DCLK2: variants seen among roughly 807,000 people sequenced by gnomAD.
DCLK2 encodes the protein serine/threonine-protein kinase DCLK2.
Under a neutral mutation model 78.4 loss-of-function variants are expected in DCLK2, and 31 were observed. The ratio of observed to expected loss-of-function variants is 0.40; its 90% CI spans 0.30 to 0.53. The LOEUF is 0.53. Ranked by LOEUF, DCLK2 falls within the 20% of genes least tolerant of loss-of-function variation. The pLI, the probability that DCLK2 is intolerant of heterozygous loss-of-function variation, is 0.61. For missense variants in DCLK2, 872 were observed against 973.7 expected (o/e 0.90, Z 1.39); for synonymous variants, 407 against 374.9 (o/e 1.09, Z -0.99).
chr4:150,240,493 G>T lies in DCLK2; in HGVS notation c.1778+17G>T. 2.5e-6 allele frequency: 4 copies of T among 1,603,436 alleles called. No individual in the cohort carries two copies. Among genetic ancestry groups the T allele is most frequent in the Non-Finnish European group, 3.4e-6 (4 of 1,173,156 alleles). On this transcript the variant is annotated intron_variant, in intron 12 of 15. Coordinates refer to ENST00000296550, the MANE Select transcript of DCLK2 (RefSeq NM_001040260.4). ...ATTCCGAAGGTAGGCGGCCTTTTGGGCGACGTATTTGAATTGCAAATGTTC... is the reference window on the plus strand; with the variant it reads ...ATTCCGAAGGTAGGCGGCCTTTTGGTCGACGTATTTGAATTGCAAATGTTC...
chr4:150,079,396 C>G lies in DCLK2; in HGVS notation c.369C>G (p.Ile123Met), dbSNP rs1384719865. ...ACCTGCCCCAGGGTGTCCGCACTAT[C>G]TACACCATCGACGGCAGCCGGAAGG... ...NVNLPQGVRTIYTIDGSRKVT... is the reference protein window; with the variant it reads ...NVNLPQGVRTMYTIDGSRKVT... The change falls in exon 1 of 16, where the codon ATC (isoleucine) becomes ATG (methionine). Residue 123 changes from isoleucine (I) to methionine (M), a missense_variant. Ile to Met is a conservative substitution (Grantham distance 10, BLOSUM62 1). Transcript: ENST00000296550. 5.7e-6 allele frequency: 9 copies of G among 1,571,596 alleles called. No homozygotes were observed. The highest frequency in any genetic ancestry group is 1.7e-4 in the Middle Eastern group (1 of 5,980).
rs765245817 is a variant in DCLK2 at position 150,256,281 on chromosome 4, G to T, written c.*34G>T. On this transcript the variant is annotated 3_prime_UTR_variant, in exon 16 of 16. Transcript: ENST00000296550. ...CAGACGGGCGAAGCCGCCTGCTGCA[G>T]CCCAGGAAGCCAGCCCTCTGCTCGG... 6 of 1,462,238 alleles carry T rather than the reference G, an allele frequency of 4.1e-6. No homozygotes were observed. The highest frequency in any genetic ancestry group is 2.9e-5 in the African/African-American group (2 of 69,668). 90.6% of individuals were successfully genotyped at this position (1,462,238 alleles called of 1,614,324 possible).
intron 2 of DCLK2, among the ~76,000 whole-genome samples, chr4:150,174,532 G>C (rs1305622358): frequency 6.6e-6 from 1 of 152,110 alleles, no homozygotes; most frequent in African/African-American, 2.4e-5. Flanking sequence ...CGTTTAAGAA[G>C]GGGACCTGAG....
At chr4:150,183,723 C>T (rs1737698863) in intron 2 of DCLK2, among the ~76,000 whole-genome samples, 1 of 150,992 alleles carries the variant, frequency 6.6e-6, no homozygotes, top group Non-Finnish European at 1.5e-5. Context: ...CTTTTGATTT[C>T]TTTTTTTCTT....
At chr4:150,113,608 A>G (rs1731857610) in intron 2 of DCLK2, among the ~76,000 whole-genome samples, 1 of 149,752 alleles carries the variant, frequency 6.7e-6, no homozygotes, top group African/African-American at 2.5e-5. Flanking sequence ...TTCTATTTTC[A>G]TTTCAAATTG....
rs76119248 is a variant in DCLK2, at chr4:150,184,351, C to G, written c.757-8787C>G. ...CACTTAAAATAGTGTTTCTTTTACT[C>G]TCTCTCAGAAAAATGCATTTCAACT... On this transcript the variant is annotated intron_variant, in intron 2 of 15. Transcript: ENST00000296550. Among the ~76,000 whole-genome samples, 51 of 152,260 alleles carry G rather than the reference C, an allele frequency of 3.3e-4. No homozygotes were observed. The East Asian group carries it at 9.5e-3, about 28-fold the overall frequency.
chr4:150,101,512 A>T lies in DCLK2; in HGVS notation c.422-966A>T, dbSNP rs181382425. ...GTTAACGATGAGTGTTATACTGAATATGTGAAAAAATAATGGATTCTTTTT... is the reference window on the plus strand; with the variant it reads ...GTTAACGATGAGTGTTATACTGAATTTGTGAAAAAATAATGGATTCTTTTT... On this transcript the variant is annotated intron_variant, in intron 1 of 15. Coordinates refer to ENST00000296550, the MANE Select transcript of DCLK2 (RefSeq NM_001040260.4). Among the ~76,000 whole-genome samples the T allele has an allele frequency of 2.0e-5, 3 of 152,274 alleles. No homozygotes were observed. The East Asian group carries it at 5.8e-4, about 29-fold the overall frequency.
At chr4:150,156,990 G>A (rs1735329581) in intron 2 of DCLK2, among the ~76,000 whole-genome samples, 2 of 151,448 alleles carry the variant, frequency 1.3e-5, no homozygotes, top group African/African-American at 2.4e-5. Context: ...GGCAGATCTC[G>A]AACTCCTGGA....
At chr4:150,237,547 A>G (rs959564890) in intron 10 of DCLK2, among the ~76,000 whole-genome samples, 1 of 152,202 alleles carries the variant, frequency 6.6e-6, no homozygotes, top group Non-Finnish European at 1.5e-5. Flanking sequence ...TATTAAATGG[A>G]TAAGGACATC....
chr4:150,239,529 A>G (rs891724311), intron 10 of DCLK2, among the ~76,000 whole-genome samples: 2 of 152,062 alleles, frequency 1.3e-5, no homozygotes, highest in Non-Finnish European at 2.9e-5. Flanking sequence ...TTCAGCCCAG[A>G]GGTTGAGGCT....
chr4:150,168,248 C>T (rs1393065435), intron 2 of DCLK2, among the ~76,000 whole-genome samples: 3 of 151,416 alleles, frequency 2.0e-5, no homozygotes, highest in Non-Finnish European at 4.4e-5. Context: ...GAGACTGAGG[C>T]AGGAGAGTGG....
At chr4:150,162,022 A>C (rs757113337) in intron 2 of DCLK2, among the ~76,000 whole-genome samples, 146 of 151,940 alleles carry the variant, frequency 9.6e-4, no homozygotes, top group Middle Eastern at 3.4e-3. Flanking sequence ...CCGTCTGTTT[A>C]TTGGTTTTGA....
chr4:150,198,147 CA>C (rs1365768247), intron 4 of DCLK2, 44 bp downstream of exon 4: 1 of 1,509,868 alleles, frequency 6.6e-7, no homozygotes, highest in South Asian at 1.2e-5. Context: ...AGGAACAGAT[CA>C]TTTTCCTTCT....
At chr4:150,249,361 T>C (rs537797097) in intron 14 of DCLK2, among the ~76,000 whole-genome samples, 1 of 151,958 alleles carries the variant, frequency 6.6e-6, no homozygotes, top group South Asian at 2.1e-4. Context: ...GAGGGAATGG[T>C]GTGGGGTCTT....
intron 2 of DCLK2, among the ~76,000 whole-genome samples, chr4:150,145,172 TA>T (rs1240520060): frequency 3.3e-5 from 5 of 151,994 alleles, no homozygotes; most frequent in Non-Finnish European, 5.9e-5. Flanking sequence ...AGCTTGAAAG[TA>T]AAACTTTGAT....
intron 10 of DCLK2, 62 bp from the exon 11 acceptor site, chr4:150,239,680 A>C: frequency 6.3e-7 from 1 of 1,585,924 alleles, no homozygotes; most frequent in South Asian, 1.1e-5. Flanking sequence ...TAATTCCAAG[A>C]GCCCTCTCAC....
intron 2 of DCLK2, among the ~76,000 whole-genome samples, chr4:150,163,397 CAAAA>C: frequency 7.2e-6 from 1 of 138,284 alleles, no homozygotes; most frequent in African/African-American, 2.7e-5. Flanking sequence ...GACTCCGTCT[CAAAA>C]TAAATAAATA....
At chr4:150,217,959 C>T (rs1432130553) in intron 5 of DCLK2, among the ~76,000 whole-genome samples, 1 of 152,192 alleles carries the variant, frequency 6.6e-6, no homozygotes, top group Non-Finnish European at 1.5e-5. Flanking sequence ...TAAGAAGCTG[C>T]ATTTCCTGGT....
chr4:150,101,340 A>G (rs1195264099), intron 1 of DCLK2, among the ~76,000 whole-genome samples: 3 of 152,192 alleles, frequency 2.0e-5, no homozygotes, highest in Admixed American at 6.5e-5. Flanking sequence ...AGACTGTACA[A>G]TTCTCCATTA....
Sources: gnomAD v4.1 joint callset for allele counts (sites outside exome capture counted in the v4.1 genomes callset) on GRCh38, gnomAD v4.1.1 for gene constraint, MANE v1.5 for transcripts, NCBI Gene and HGNC (gene_info 2026-07-23, HGNC 2026-07-21) for gene names.